Variants in UBE2N observed in about 807,000 individuals in gnomAD.
UBE2N encodes ubiquitin conjugating enzyme E2 N.
For missense variants in UBE2N, 60 were observed against 192.1 expected (o/e 0.31, Z 4.07); for synonymous variants, 70 against 69.2 (o/e 1.01, Z -0.06).
chr12:93,430,137 A>G (rs895340850), intron 1 of UBE2N, among the ~76,000 whole-genome samples: 1 of 152,176 alleles, frequency 6.6e-6, no homozygotes, highest in East Asian at 1.9e-4. Flanking sequence ...TTTATCTTTT[A>G]TACCAGATTT....
rs112583627 is a variant in UBE2N at position 93,410,391 on chromosome 12, G to A, written c.419-312C>T. On this transcript the variant is annotated intron_variant, in intron 3 of 3. Transcript: ENST00000318066. ...CAGAAGCTTCTTGACTCCAAATTCC[G>A]TAGCCATAAACAGCTGAATACTTTA... 4.9e-5 allele frequency: 24 copies of A among 488,100 alleles called. 1 individual carries two copies. Among genetic ancestry groups the A allele is most frequent in the African/African-American group, 2.6e-4 (13 of 50,416 alleles). 30.2% of individuals were successfully genotyped at this position (488,100 alleles called of 1,614,324 possible). A position where few individuals can be genotyped will look rare whatever the true frequency, so the allele number is the denominator to read the frequency against.
At chr12:93,421,937 G>A (rs1253164490) in intron 1 of UBE2N, among the ~76,000 whole-genome samples, 1 of 152,212 alleles carries the variant, frequency 6.6e-6, no homozygotes, top group African/African-American at 2.4e-5. Context: ...ATTTCATTGT[G>A]AGTAGTCAAG....
At chr12:93,440,834 A>C (rs754799144) in intron 1 of UBE2N, among the ~76,000 whole-genome samples, 3 of 152,238 alleles carry the variant, frequency 2.0e-5, no homozygotes, top group Admixed American at 1.3e-4. Flanking sequence ...AAATCAAAGA[A>C]TCGAAAATGT....
chr12:93,417,975 CCT>C (rs1372616033), intron 1 of UBE2N, among the ~76,000 whole-genome samples: 21 of 151,932 alleles, frequency 1.4e-4, no homozygotes, highest in African/African-American at 4.8e-4. Context: ...GCAAGTTCAC[CCT>C]CTATATATAT....
chr12:93,430,932 T>TA (rs1234568334), intron 1 of UBE2N, among the ~76,000 whole-genome samples: 263 of 137,290 alleles, frequency 1.9e-3, no homozygotes, highest in African/African-American at 4.8e-3. Context: ...GACCCTATCT[T>TA]AAAAAAAAAA....
At chr12:93,417,318 C>T (rs1204069671) in intron 1 of UBE2N, among the ~76,000 whole-genome samples, 2 of 152,176 alleles carry the variant, frequency 1.3e-5, no homozygotes, top group Non-Finnish European at 2.9e-5. Context: ...TGTAGTTAGT[C>T]AATTATAACA....
intron 1 of UBE2N, among the ~76,000 whole-genome samples, chr12:93,433,676 C>G (rs1308543201): frequency 6.6e-6 from 1 of 152,168 alleles, no homozygotes; most frequent in Admixed American, 6.5e-5. Flanking sequence ...AATTTGGCAC[C>G]TAAATCAGAA....
chr12:93,434,749 G>A (rs1878879794), intron 1 of UBE2N, among the ~76,000 whole-genome samples: 1 of 152,124 alleles, frequency 6.6e-6, no homozygotes. Context: ...CTAGGAAGAG[G>A]TCAGAAAATT....
intron 1 of UBE2N, among the ~76,000 whole-genome samples, chr12:93,415,667 A>G (rs919337240): frequency 6.6e-6 from 1 of 152,126 alleles, no homozygotes. Context: ...AAATTCCTTG[A>G]ATTCTGGGCT....
At chr12:93,430,632 G>A (rs577561299) in intron 1 of UBE2N, among the ~76,000 whole-genome samples, 5 of 151,776 alleles carry the variant, frequency 3.3e-5, no homozygotes, top group African/African-American at 4.8e-5. Flanking sequence ...CAAGAAAAGC[G>A]GCAGGCTCAG....
chr12:93,434,578 A>G (rs1428783285), intron 1 of UBE2N, among the ~76,000 whole-genome samples: 1 of 152,246 alleles, frequency 6.6e-6, no homozygotes, highest in East Asian at 1.9e-4. Flanking sequence ...ATTAGATAGT[A>G]TATTAAAACA....
chr12:93,409,775 A>G lies in UBE2N; in HGVS notation c.*264T>C. The G allele has an allele frequency of 2.3e-6, 1 of 430,728 alleles. No individual in the cohort carries two copies. The highest frequency in any genetic ancestry group is 4.7e-5 in the Admixed American group (1 of 21,294). The allele number at this position is 430,728 out of a possible 1,614,324, so 26.7% of individuals were successfully genotyped here. A position where few individuals can be genotyped will look rare whatever the true frequency, so the allele number is the denominator to read the frequency against. ...TTTATACTTAAACCAGGATGGGGGA[A>G]ATGAATAAAAGCAGGGAGGGGCCAC... is the stretch of plus-strand genomic sequence containing the variant. On this transcript the variant is annotated 3_prime_UTR_variant, in exon 4 of 4. Transcript: ENST00000318066.
chr12:93,430,975 T>C (rs1878749991), intron 1 of UBE2N, among the ~76,000 whole-genome samples: 1 of 148,948 alleles, frequency 6.7e-6, no homozygotes, highest in African/African-American at 2.5e-5. Context: ...ATGCCTGTAA[T>C]CCCAGCACTT....
In UBE2N at chr12:93,415,347, T is replaced by G. The variant is rs541115930; in HGVS notation, c.31-4048A>C. ...TCATAAGATGTAAATACAAATCAAA[T>G]GCTTCCCCAAAATGTGTTAATTAAA... On this transcript the variant is annotated intron_variant, in intron 1 of 3. Transcript: ENST00000318066. Among the ~76,000 whole-genome samples the G allele has an allele frequency of 8.8e-4, 134 of 152,320 alleles. 1 individual carries two copies. The highest frequency in any genetic ancestry group is 1.8e-3 in the Non-Finnish European group (120 of 68,016).
At position 93,406,692 on chromosome 12, in the gene UBE2N, C is replaced by T. The variant is rs991517163; in HGVS notation, c.*3347G>A. 1.3e-5 allele frequency: 2 copies of T among 152,168 alleles called. No homozygotes were observed. The highest frequency in any genetic ancestry group is 2.9e-5 in the Non-Finnish European group (2 of 68,044). 9.4% of individuals were successfully genotyped at this position (152,168 alleles called of 1,614,324 possible). On this transcript the variant is annotated 3_prime_UTR_variant, in exon 4 of 4. Coordinates refer to ENST00000318066, the MANE Select transcript of UBE2N (RefSeq NM_003348.4). ...AGTGTAACTATTTACATAGCACTTACATTATAATAGGTATTATAAGTAATC... is the reference window on the plus strand; with the variant it reads ...AGTGTAACTATTTACATAGCACTTATATTATAATAGGTATTATAAGTAATC...
At chr12:93,440,600 C>T (rs1286535047) in intron 1 of UBE2N, among the ~76,000 whole-genome samples, 2 of 152,150 alleles carry the variant, frequency 1.3e-5, no homozygotes, top group Admixed American at 6.5e-5. Context: ...ATGCATCTCC[C>T]CACAGATTTC....
At chr12:93,431,219 A>G (rs1328706213) in intron 1 of UBE2N, among the ~76,000 whole-genome samples, 5 of 151,990 alleles carry the variant, frequency 3.3e-5, no homozygotes, top group Non-Finnish European at 7.4e-5. Context: ...CAAGAGCAAA[A>G]CTCCGTCTCA....
intron 1 of UBE2N, among the ~76,000 whole-genome samples, chr12:93,432,471 A>C (rs1393873431): frequency 6.8e-6 from 1 of 146,554 alleles, no homozygotes; most frequent in African/African-American, 2.7e-5. Flanking sequence ...TGTCTTTAAG[A>C]GTCACAAAAA....
intron 1 of UBE2N, among the ~76,000 whole-genome samples, chr12:93,425,390 C>A (rs1426649347): frequency 6.6e-6 from 1 of 152,132 alleles, no homozygotes; most frequent in Non-Finnish European, 1.5e-5. Flanking sequence ...AGTCAATTGT[C>A]AATTAAGAGG....
Sources: allele counts gnomAD v4.1 joint callset (sites outside exome capture counted in the v4.1 genomes callset), GRCh38; gene constraint gnomAD v4.1.1; transcripts MANE v1.5; gene names NCBI Gene and HGNC (gene_info 2026-07-23, HGNC 2026-07-21).